Variants in VTI1A observed in about 807,000 individuals in gnomAD.
The protein encoded by VTI1A is vesicle transport through interaction with t-SNAREs 1A.
In VTI1A, 22 loss-of-function variants were observed where a neutral mutation model predicts 34.9. The observed-to-expected ratio is 0.63, with a 90% CI of 0.45 to 0.90. The LOEUF (loss-of-function observed/expected upper bound fraction) is 0.90. Among genes scored for constraint, VTI1A ranks in the 40% least tolerant of loss-of-function variants. The pLI is 0.00. For missense variants in VTI1A, 268 were observed against 275.6 expected, an observed-to-expected ratio of 0.97 and a Z score of 0.20; for synonymous variants, 87 against 97.3, an observed-to-expected ratio of 0.89 and a Z score of 0.62.
chr10:112,666,457 A>G (rs1847643323), intron 5 of VTI1A, among the ~76,000 whole-genome samples: 3 of 152,136 alleles, frequency 2.0e-5, no homozygotes. Flanking sequence ...CACTTCTTTA[A>G]CTGCTTGTTC....
At chr10:112,534,119 T>C (rs1850541614) in intron 4 of VTI1A, among the ~76,000 whole-genome samples, 1 of 152,262 alleles carries the variant, frequency 6.6e-6, no homozygotes, top group South Asian at 2.1e-4. Context: ...TTAAACACTT[T>C]GCTTTTTGTA....
At chr10:112,666,764 G>C (rs1323876069) in intron 5 of VTI1A, among the ~76,000 whole-genome samples, 3 of 151,998 alleles carry the variant, frequency 2.0e-5, no homozygotes, top group African/African-American at 7.3e-5. Flanking sequence ...TAAGATAGGA[G>C]AGTGGCAAAA....
intron 7 of VTI1A, among the ~76,000 whole-genome samples, chr10:112,726,694 G>A (rs1040589874): frequency 4.6e-5 from 7 of 152,176 alleles, no homozygotes; most frequent in African/African-American, 1.4e-4. Flanking sequence ...CTGGAAAAAT[G>A]TACATATACA....
At chr10:112,776,268 G>T (rs1851953706) in intron 7 of VTI1A, among the ~76,000 whole-genome samples, 1 of 152,208 alleles carries the variant, frequency 6.6e-6, no homozygotes, top group African/African-American at 2.4e-5. Flanking sequence ...AAAGCTTTCA[G>T]CGGGATCACT....
At chr10:112,530,501 A>G (rs890066671) in intron 4 of VTI1A, among the ~76,000 whole-genome samples, 9 of 152,182 alleles carry the variant, frequency 5.9e-5, no homozygotes, top group African/African-American at 2.2e-4. Flanking sequence ...AATGGGGCAA[A>G]TAAACTGTTC....
chr10:112,499,836 C>T (rs1849162033), intron 3 of VTI1A, among the ~76,000 whole-genome samples: 1 of 152,152 alleles, frequency 6.6e-6, no homozygotes, highest in South Asian at 2.1e-4. Flanking sequence ...TCTAGAATAT[C>T]TCTCCCTCCA....
rs79665818 is a variant in VTI1A at position 112,734,407 on chromosome 10, T to C, written c.560+65409T>C. 6.6e-5 allele frequency among the ~76,000 whole-genome samples: 10 copies of C among 152,254 alleles called. No homozygotes were observed. In the East Asian group the frequency reaches 1.9e-3, roughly 30 times the overall value. On this transcript the variant is annotated intron_variant, in intron 7 of 7. Transcript: ENST00000393077. ...CTCTCCCCACAAATGCAGGAGTCCA[T>C]TCCTCCTCTATAATCCTGCGTTTTA...
chr10:112,800,488 T>G (rs1287928185), intron 7 of VTI1A, among the ~76,000 whole-genome samples: 1 of 152,236 alleles, frequency 6.6e-6, no homozygotes, highest in African/African-American at 2.4e-5. Flanking sequence ...GTGAGTATGA[T>G]AGGAGTGGAG....
At chr10:112,594,163 T>G (rs1210810054) in intron 5 of VTI1A, among the ~76,000 whole-genome samples, 2 of 152,120 alleles carry the variant, frequency 1.3e-5, no homozygotes, top group African/African-American at 4.8e-5. Context: ...CGCCTCGGCC[T>G]CCCAAAGTGC....
intron 7 of VTI1A, among the ~76,000 whole-genome samples, chr10:112,723,981 G>A (rs1849911858): frequency 6.6e-6 from 1 of 152,200 alleles, no homozygotes; most frequent in Non-Finnish European, 1.5e-5. Context: ...TTGTAAAGCT[G>A]AATAACATCT....
chr10:112,592,541 A>G (rs373897545), intron 5 of VTI1A, among the ~76,000 whole-genome samples: 116 of 152,314 alleles, frequency 7.6e-4, no homozygotes, highest in African/African-American at 2.6e-3. Context: ...ATTAGACTCC[A>G]TATCAGTTTA....
At chr10:112,780,112 TAAA>T (rs773277515) in intron 7 of VTI1A, among the ~76,000 whole-genome samples, 8 of 111,480 alleles carry the variant, frequency 7.2e-5, no homozygotes, top group Non-Finnish European at 5.6e-5. Flanking sequence ...CCTTGTCTCT[TAAA>T]AAAAAAAAAA....
At position 112,527,121 on chromosome 10, in the gene VTI1A, G is replaced by A. The variant is rs774793448; in HGVS notation, c.299G>A (p.Arg100Gln). Residue 100 changes from arginine (R) to glutamine (Q), a missense_variant, in exon 4 of 8, where the codon CGG becomes CAG. Arg to Gln is a conservative substitution (Grantham distance 43). Coordinates refer to ENST00000393077, the MANE Select transcript of VTI1A (RefSeq NM_145206.4). ...RSRIAYSDEV[R>Q]NELLGDDGNS... ...CGGATCGCCTACAGTGACGAAGTAC[G>A]GAATGAGCTCCTGGGGGATGATGGG... 10 of 1,613,306 alleles carry A rather than the reference G, an allele frequency of 6.2e-6. No individual in the cohort carries two copies. The highest frequency in any genetic ancestry group is 3.3e-5 in the Admixed American group (2 of 59,902).
At chr10:112,682,578 A>G (rs1470157044) in intron 7 of VTI1A, among the ~76,000 whole-genome samples, 1 of 152,202 alleles carries the variant, frequency 6.6e-6, no homozygotes, top group Non-Finnish European at 1.5e-5. Flanking sequence ...CGCTGATATG[A>G]AGATGAAAAA....
chr10:112,673,474 A>ACT (rs1282874045), intron 7 of VTI1A, among the ~76,000 whole-genome samples: 1 of 151,752 alleles, frequency 6.6e-6, no homozygotes. Context: ...GCGCGCACAC[A>ACT]CACACACACG....
intron 3 of VTI1A, among the ~76,000 whole-genome samples, chr10:112,485,535 C>G (rs930146149): frequency 1.3e-5 from 2 of 152,160 alleles, no homozygotes; most frequent in Admixed American, 1.3e-4. Flanking sequence ...TAAGACCAAA[C>G]TAATAAATTA....
At chr10:112,766,853 G>A (rs1280641909) in intron 7 of VTI1A, among the ~76,000 whole-genome samples, 2 of 152,188 alleles carry the variant, frequency 1.3e-5, no homozygotes, top group African/African-American at 2.4e-5. Flanking sequence ...TGGTTTAGTG[G>A]CAGGTAACTT....
intron 7 of VTI1A, among the ~76,000 whole-genome samples, chr10:112,745,668 C>T (rs1024587197): frequency 6.6e-6 from 1 of 152,194 alleles, no homozygotes; most frequent in African/African-American, 2.4e-5. Flanking sequence ...ACAGCCACAC[C>T]GATGCTGTCC....
At chr10:112,659,203 C>T (rs780990217) in intron 5 of VTI1A, among the ~76,000 whole-genome samples, 1 of 152,090 alleles carries the variant, frequency 6.6e-6, no homozygotes, top group East Asian at 1.9e-4. Context: ...TAAGTAAATA[C>T]GTGTTTGGTA....
Sources: allele counts gnomAD v4.1 joint callset (sites outside exome capture counted in the v4.1 genomes callset), GRCh38; gene constraint gnomAD v4.1.1; transcripts MANE v1.5; gene names NCBI Gene and HGNC (gene_info 2026-07-23, HGNC 2026-07-21).